TRPM3: variants seen among roughly 807,000 people sequenced by gnomAD.
The protein encoded by TRPM3 is transient receptor potential cation channel subfamily M member 3, also known as long transient receptor potential channel 3.
TRPM3 carries 77 observed loss-of-function variants against 181.2 expected under a neutral mutation model. The ratio of observed to expected loss-of-function variants is 0.42; its 90% confidence interval spans 0.35 to 0.51. TRPM3 has a LOEUF of 0.51. TRPM3 is among the 20% of genes least tolerant of loss of function. TRPM3 has a pLI of 0.01. For synonymous variants in TRPM3, 745 were observed against 796.4 expected (o/e 0.94, Z 1.09); for missense variants, 1,759 against 2,196.7 (o/e 0.80, Z 3.98).
intron 1 of TRPM3, among the ~76,000 whole-genome samples, chr9:70,915,316 G>A (rs551997310): frequency 5.5e-5 from 8 of 146,448 alleles, no homozygotes; most frequent in African/African-American, 2.0e-4. Flanking sequence ...TTCTTTTTTT[G>A]AGACAGAGTC....
intron 9 of TRPM3, among the ~76,000 whole-genome samples, chr9:70,665,435 C>T (rs566653159): frequency 6.6e-6 from 1 of 152,172 alleles, no homozygotes; most frequent in South Asian, 2.1e-4. Context: ...CAGAAAGGAC[C>T]ACTGAAACTA....
At chr9:71,389,907 C>T (rs772551933) in intron 1 of TRPM3, among the ~76,000 whole-genome samples, 1 of 151,902 alleles carries the variant, frequency 6.6e-6, no homozygotes, top group Non-Finnish European at 1.5e-5. Context: ...TAAAAATCAC[C>T]ACTAAAAAAC....
At chr9:71,023,542 G>A (rs1233033331) in intron 1 of TRPM3, among the ~76,000 whole-genome samples, 2 of 152,028 alleles carry the variant, frequency 1.3e-5, no homozygotes, top group African/African-American at 4.8e-5. Context: ...GAGTATTCAC[G>A]GCAACTTTAT....
At chr9:70,630,879 C>A (rs1169253826) in intron 12 of TRPM3, among the ~76,000 whole-genome samples, 2 of 152,086 alleles carry the variant, frequency 1.3e-5, no homozygotes, top group African/African-American at 2.4e-5. Context: ...CATAAGGAAA[C>A]CTTTTAATTA....
At chr9:70,910,857 A>T (rs190649194) in intron 1 of TRPM3, among the ~76,000 whole-genome samples, 11 of 152,300 alleles carry the variant, frequency 7.2e-5, no homozygotes, top group Admixed American at 7.2e-4. Flanking sequence ...AGCGCTGCTA[A>T]AGGGAATATA....
intron 1 of TRPM3, among the ~76,000 whole-genome samples, chr9:71,174,981 C>T (rs2077037317): frequency 6.6e-6 from 1 of 152,074 alleles, no homozygotes; most frequent in African/African-American, 2.4e-5. Flanking sequence ...AGACTGAGGG[C>T]CTTCCCACAG....
At chr9:71,361,793 C>A (rs563276918) in intron 1 of TRPM3, among the ~76,000 whole-genome samples, 14 of 152,184 alleles carry the variant, frequency 9.2e-5, no homozygotes, top group South Asian at 8.3e-4. Context: ...GTAATTTCCA[C>A]CAAAAAGCTG....
At chr9:70,672,522 T>C (rs1246742724) in intron 9 of TRPM3, among the ~76,000 whole-genome samples, 1 of 152,226 alleles carries the variant, frequency 6.6e-6, no homozygotes, top group Non-Finnish European at 1.5e-5. Context: ...TTATTTGTTT[T>C]TGCTGGAGCT....
At chr9:70,666,006 A>G (rs1206576903) in intron 9 of TRPM3, among the ~76,000 whole-genome samples, 1 of 152,188 alleles carries the variant, frequency 6.6e-6, no homozygotes, top group East Asian at 1.9e-4. Flanking sequence ...ACAAGCCTCA[A>G]TGCCCCATTC....
At chr9:70,670,436 A>G (rs115774895) in intron 9 of TRPM3, among the ~76,000 whole-genome samples, 2,756 of 152,312 alleles carry the variant, frequency 0.018, 97 homozygotes, top group African/African-American at 0.06. Context: ...TAAAATTGTT[A>G]TCTACTTTGG....
At chr9:71,080,457 T>G (rs1423492044) in intron 1 of TRPM3, among the ~76,000 whole-genome samples, 1 of 152,180 alleles carries the variant, frequency 6.6e-6, no homozygotes, top group Non-Finnish European at 1.5e-5. Flanking sequence ...GAAGCCTTGT[T>G]CTTGGGCTTT....
chr9:71,401,949 T>C (rs2093347883), intron 1 of TRPM3, among the ~76,000 whole-genome samples: 1 of 152,202 alleles, frequency 6.6e-6, no homozygotes, highest in Non-Finnish European at 1.5e-5. Context: ...CATGAGTTAC[T>C]GGGGAGAGAC....
At chr9:71,368,345 T>C (rs1471936611) in intron 1 of TRPM3, among the ~76,000 whole-genome samples, 1 of 152,194 alleles carries the variant, frequency 6.6e-6, no homozygotes, top group Non-Finnish European at 1.5e-5. Flanking sequence ...TGGAAAATTC[T>C]CAGGCAGCTG....
At chr9:70,925,984 T>G (rs1462258669) in intron 1 of TRPM3, among the ~76,000 whole-genome samples, 1 of 104,974 alleles carries the variant, frequency 9.5e-6, no homozygotes. Context: ...AGAAAAAGGT[T>G]GGCTTGGGAA....
chr9:71,133,973 TTGTGTGTGTGTGTGTGTGTGTGTG>T (rs72198070), intron 1 of TRPM3, among the ~76,000 whole-genome samples: 2 of 148,572 alleles, frequency 1.3e-5, no homozygotes, highest in East Asian at 2.0e-4. Flanking sequence ...CTGTGTGTGT[TTGTGTGTGTGTGTGTGTGTGTGTG>T]TGTGTGTGTG....
intron 1 of TRPM3, among the ~76,000 whole-genome samples, chr9:70,937,359 A>G (rs1442945686): frequency 6.6e-6 from 1 of 152,192 alleles, no homozygotes; most frequent in Non-Finnish European, 1.5e-5. Context: ...TCCATAAGTT[A>G]GAAGATTTGT....
chr9:70,883,307 T>C (rs2096027697), intron 1 of TRPM3, among the ~76,000 whole-genome samples: 1 of 152,192 alleles, frequency 6.6e-6, no homozygotes, highest in African/African-American at 2.4e-5. Flanking sequence ...TAACCAATTA[T>C]AATCCCTTTT....
rs2057466979 is a variant in TRPM3 at position 71,032,037 on chromosome 9, T to TG, written c.177+89140_177+89141insC. The stretch of plus-strand genomic sequence containing the variant: ...ATAATATATATATATAATATAAATA[T>TG]ATATATATATATTATATATATTATA... On this transcript the variant is annotated intron_variant, in intron 1 of 25. Transcript: ENST00000677713. Among the ~76,000 whole-genome samples the TG allele has an allele frequency of 3.0e-3, 3 of 1,002 alleles. 1 individual carries two copies. Among genetic ancestry groups the TG allele is most frequent in the Non-Finnish European group, 3.7e-3 (3 of 818 alleles). The allele number at this position is 1,002 out of a possible 152,430, so 0.7% of individuals were successfully genotyped here. A position where few individuals can be genotyped will look rare whatever the true frequency, so the allele number is the denominator to read the frequency against.
chr9:70,625,429 A>T lies in TRPM3; in HGVS notation c.1668+53T>A. The stretch of plus-strand genomic sequence containing the variant: ...ATTCTGTAACTAGAGTAAAAAAAAA[A>T]TAATGAAAAAAGAAACATATGAATG... On this transcript the variant is annotated intron_variant, in intron 13 of 25. Transcript: ENST00000677713. The surrounding 1 kb of genome is among the most constrained non-coding windows in gnomAD (Gnocchi z 4.8). 2 of 1,586,520 alleles carry T rather than the reference A, an allele frequency of 1.3e-6. No individual in the cohort carries two copies. The highest frequency in any genetic ancestry group is 2.3e-5 in the South Asian group (2 of 85,364).
Sources: gnomAD v4.1 joint callset for allele counts (sites outside exome capture counted in the v4.1 genomes callset) on GRCh38, gnomAD v4.1.1 for gene constraint, Gnocchi (gnomAD v3.1) non-coding constraint, MANE v1.5 for transcripts, NCBI Gene and HGNC (gene_info 2026-07-23, HGNC 2026-07-21) for gene names.